The following WAC variants were observed in gnomAD, a reference collection of about 807,000 sequenced individuals.
The protein encoded by WAC is WW domain-containing adapter protein with coiled-coil.
Under a neutral mutation model 79.6 loss-of-function variants are expected in WAC, and 11 were observed. The observed-to-expected ratio is 0.14, with a 90% CI of 0.09 to 0.23. The LOEUF is 0.23. Among genes scored for constraint, WAC ranks in the 10% least tolerant of loss-of-function variants. WAC has a pLI of 1.00. For missense variants in WAC, 728 were observed against 773.5 expected (o/e 0.94, Z 0.70); for synonymous variants, 304 against 276.9 (o/e 1.10, Z -0.97).
chr10:28,566,613 T>G (rs1192236740), intron 3 of WAC, among the ~76,000 whole-genome samples: 1 of 152,222 alleles, frequency 6.6e-6, no homozygotes, highest in Non-Finnish European at 1.5e-5. Flanking sequence ...TACTCATGAA[T>G]GACATCTTAG....
chr10:28,565,983 T>C (rs1433552686), intron 3 of WAC, among the ~76,000 whole-genome samples: 3 of 152,186 alleles, frequency 2.0e-5, no homozygotes, highest in Admixed American at 1.3e-4. Context: ...ATCTGACATT[T>C]ATACCAAAGT....
chr10:28,551,946 C>T (rs1837703325), intron 3 of WAC, among the ~76,000 whole-genome samples: 1 of 151,668 alleles, frequency 6.6e-6, no homozygotes, highest in South Asian at 2.1e-4. Flanking sequence ...TGCCGCTCAG[C>T]CTCCCAAGGA....
At chr10:28,590,941 A>T in intron 6 of WAC, 109 bp downstream of exon 6, 1 of 896,642 alleles carries the variant, frequency 1.1e-6, no homozygotes, top group Middle Eastern at 2.7e-4. Context: ...AAATAGAAAC[A>T]TACGGAGATT....
rs1450943460 is a variant in WAC, at chr10:28,595,948, C to A, written c.826C>A (p.Pro276Thr). Residue 276 changes from proline to threonine, a missense_variant, in exon 7 of 14, where the codon CCA becomes ACA. Pro to Thr is a conservative substitution (Grantham distance 38). This residue lies in a region of WAC where 648 missense variants were observed against 661.5 expected (regional missense o/e 0.98). Transcript: ENST00000354911. ...ATTTACGCTACAGTCTGATCACCAGCCAAAGAAATCATTTGATGCTAATGG... is the reference window on the plus strand; with the variant it reads ...ATTTACGCTACAGTCTGATCACCAGACAAAGAAATCATTTGATGCTAATGG... The part of the protein sequence containing the change: ...SPFTLQSDHQ[P>T]KKSFDANGAS... 1 of 1,614,010 alleles carries A rather than the reference C, an allele frequency of 6.2e-7. No individual in the cohort carries two copies. Among genetic ancestry groups the A allele is most frequent in the Admixed American group, 1.7e-5 (1 of 59,984 alleles).
chr10:28,557,918 C>T (rs975714479), intron 3 of WAC, among the ~76,000 whole-genome samples: 38 of 151,312 alleles, frequency 2.5e-4, no homozygotes, highest in African/African-American at 8.0e-4. Context: ...ACTAAAAATA[C>T]AAAAAATTAG....
chr10:28,581,263 TTTTTTTTA>T (rs1839520497), intron 3 of WAC, among the ~76,000 whole-genome samples: 1 of 131,592 alleles, frequency 7.6e-6, no homozygotes, highest in African/African-American at 3.1e-5. Context: ...TTTTTTTTTT[TTTTTTTTA>T]AGACGGGTTC....
In WAC at chr10:28,566,061, T is replaced by C. The variant is rs750913514; in HGVS notation, c.275-17338T>C. Among the ~76,000 whole-genome samples, 12 of 152,326 alleles carry C rather than the reference T, an allele frequency of 7.9e-5. No individual in the cohort carries two copies. In the Middle Eastern group the frequency reaches 0.01, roughly 130 times the overall value. ...GTAAAATATAGTACTGAAGGCTACTTACTCTGCCTTAGACGACGTAGGAGA... is the reference window on the plus strand; with the variant it reads ...GTAAAATATAGTACTGAAGGCTACTCACTCTGCCTTAGACGACGTAGGAGA... On this transcript the variant is annotated intron_variant, in intron 3 of 13. Transcript: ENST00000354911.
chr10:28,619,205 G>A (rs1045523394), intron 13 of WAC, among the ~76,000 whole-genome samples: 2 of 152,130 alleles, frequency 1.3e-5, no homozygotes, highest in African/African-American at 2.4e-5. Context: ...GCTTGAACCC[G>A]GGAGGCGGAG....
intron 13 of WAC, 130 bp from the exon 14 acceptor site, chr10:28,619,407 A>G: frequency 1.5e-6 from 1 of 671,164 alleles, no homozygotes; most frequent in South Asian, 2.1e-5. Context: ...TAGTTAAATA[A>G]TTTTTTAAAT....
intron 3 of WAC, among the ~76,000 whole-genome samples, chr10:28,546,851 T>A (rs533739710): frequency 2.1e-4 from 31 of 150,778 alleles, no homozygotes; most frequent in African/African-American, 7.3e-4. Context: ...TAAATGTAAT[T>A]TCAGTTTTGA....
chr10:28,569,098 T>A (rs1422990889), intron 3 of WAC, among the ~76,000 whole-genome samples: 1 of 152,156 alleles, frequency 6.6e-6, no homozygotes, highest in Non-Finnish European at 1.5e-5. Flanking sequence ...CCACACAAAG[T>A]AGCATGATTC....
At chr10:28,551,394 A>C (rs1837660608) in intron 3 of WAC, among the ~76,000 whole-genome samples, 1 of 152,228 alleles carries the variant, frequency 6.6e-6, no homozygotes, top group Non-Finnish European at 1.5e-5. Flanking sequence ...GAGCTTGTGC[A>C]TTTTGACAGT....
intron 7 of WAC, 99 bp downstream of exon 7, chr10:28,596,140 A>T (rs376463109): frequency 7.8e-7 from 1 of 1,281,796 alleles, no homozygotes; most frequent in East Asian, 2.5e-5. Flanking sequence ...TCTGAATTAT[A>T]AATTTTTAAA....
intron 6 of WAC, among the ~76,000 whole-genome samples, chr10:28,594,318 A>G (rs1840244041): frequency 6.6e-6 from 1 of 152,186 alleles, no homozygotes; most frequent in Admixed American, 6.5e-5. Flanking sequence ...TGGGCATGAT[A>G]TTATTCCTGC....
intron 3 of WAC, among the ~76,000 whole-genome samples, chr10:28,559,535 C>G (rs1239903777): frequency 2.6e-5 from 4 of 151,982 alleles, no homozygotes; most frequent in African/African-American, 9.7e-5. Flanking sequence ...CACTGCAGCC[C>G]CAAAAACACT....
At chr10:28,609,910 A>G (rs944733849) in intron 8 of WAC, among the ~76,000 whole-genome samples, 3 of 150,064 alleles carry the variant, frequency 2.0e-5, no homozygotes, top group Non-Finnish European at 4.4e-5. Flanking sequence ...TCAAAAATAC[A>G]TGGTATTCCT....
rs1483295315 is a variant in WAC at position 28,548,365 on chromosome 10, TC to T, written c.274+12610del. Reference sequence around the variant, plus strand: ...TTTCTAACTTTTCTCCTTTTAGAACTCCTGTTAGATGTTTTTTGGTTCTATT... The same window carrying T: ...TTTCTAACTTTTCTCCTTTTAGAACTCTGTTAGATGTTTTTTGGTTCTATT... On this transcript the variant is annotated intron_variant, in intron 3 of 13. Transcript: ENST00000354911. 4.6e-5 allele frequency among the ~76,000 whole-genome samples: 7 copies of T among 152,348 alleles called. No homozygotes were observed. The South Asian group carries it at 1.2e-3, about 27-fold the overall frequency.
rs1459849301 is a variant in WAC at position 28,595,755 on chromosome 10, T to G, written c.633T>G (p.Asp211Glu). The stretch of plus-strand genomic sequence containing the variant: ...AAGTGGAAGACAAGCATTCCAGTGA[T>G]GCCAGTAGTTTGCTCCCACAGAATA... ...ASGMEDKHSS[D>E]ASSLLPQNIL... The change falls in exon 7 of 14, where the codon GAT becomes GAG. Residue 211 changes from aspartate (D) to glutamate (E), a missense_variant. This residue lies in a region of WAC where 648 missense variants were observed against 661.5 expected (regional missense o/e 0.98). Transcript: ENST00000354911. The G allele has an allele frequency of 1.2e-6, 2 of 1,613,810 alleles. No homozygotes were observed. The highest frequency in any genetic ancestry group is 1.7e-6 in the Non-Finnish European group (2 of 1,179,874).
chr10:28,596,605 A>T (rs1221581053), intron 7 of WAC, among the ~76,000 whole-genome samples: 2 of 152,234 alleles, frequency 1.3e-5, no homozygotes, highest in Non-Finnish European at 2.9e-5. Context: ...TAGCATGTTT[A>T]AAAAGTTACA....
Sources: allele counts gnomAD v4.1 joint callset (sites outside exome capture counted in the v4.1 genomes callset), GRCh38; gene constraint gnomAD v4.1.1; regional missense constraint gnomAD v4.1.1; transcripts MANE v1.5; gene names NCBI Gene and HGNC (gene_info 2026-07-23, HGNC 2026-07-21).